NRXN3: variants seen among roughly 807,000 people sequenced by gnomAD.
NRXN3 encodes neurexin 3, also known as neurexin III.
NRXN3 carries 32 observed loss-of-function variants against 137.6 expected under a neutral mutation model. The observed-to-expected ratio is 0.23, with a 90% CI of 0.18 to 0.31. The LOEUF is 0.31. NRXN3 is among the 10% of genes least tolerant of loss of function. The pLI is 1.00. For synonymous variants in NRXN3, 798 were observed against 784.5 expected (o/e 1.02, Z -0.29); for missense variants, 1,574 against 2,062.5 (o/e 0.76, Z 4.59).
At chr14:79,455,312 C>G (rs1019231111) in intron 15 of NRXN3, among the ~76,000 whole-genome samples, 1 of 152,094 alleles carries the variant, frequency 6.6e-6, no homozygotes, top group African/African-American at 2.4e-5. Context: ...AGACCTTACC[C>G]TATAATAGGA....
At chr14:79,381,492 C>T in intron 15 of NRXN3, among the ~76,000 whole-genome samples, 1 of 152,142 alleles carries the variant, frequency 6.6e-6, no homozygotes. Context: ...TAGCTGCCTT[C>T]CAGACATTGT....
chr14:79,568,041 T>C (rs534539497), intron 16 of NRXN3, among the ~76,000 whole-genome samples: 1 of 152,260 alleles, frequency 6.6e-6, no homozygotes, highest in Admixed American at 6.5e-5. Flanking sequence ...GAGCATGCTT[T>C]ATTTCAATCA....
intron 9 of NRXN3, among the ~76,000 whole-genome samples, chr14:78,806,155 C>T (rs1478518966): frequency 6.6e-6 from 1 of 151,296 alleles, no homozygotes; most frequent in African/African-American, 2.4e-5. Flanking sequence ...GTAGAGAGCA[C>T]TGTGCTTGTC....
chr14:78,946,885 A>G (rs1421666768), intron 10 of NRXN3, among the ~76,000 whole-genome samples: 1 of 152,022 alleles, frequency 6.6e-6, no homozygotes, highest in African/African-American at 2.4e-5. Flanking sequence ...AATACACTTG[A>G]TTTATTTTTG....
intron 2 of NRXN3, among the ~76,000 whole-genome samples, chr14:78,252,530 G>A (rs781733379): frequency 7.0e-4 from 106 of 152,240 alleles, no homozygotes; most frequent in Non-Finnish European, 1.2e-3. Context: ...TAAGTTTCTC[G>A]ATGAGATGCT....
At chr14:79,135,762 G>C (rs964021717) in intron 15 of NRXN3, among the ~76,000 whole-genome samples, 8 of 152,180 alleles carry the variant, frequency 5.3e-5, no homozygotes, top group African/African-American at 1.9e-4. Flanking sequence ...TTATTGGGCA[G>C]GCACTCTACA....
intron 4 of NRXN3, among the ~76,000 whole-genome samples, chr14:78,581,278 A>G (rs1398176459): frequency 1.3e-5 from 2 of 152,210 alleles, no homozygotes; most frequent in African/African-American, 2.4e-5. Context: ...TGAATAATTT[A>G]TAAATAATGG....
chr14:79,047,532 G>T (rs8012099), intron 15 of NRXN3, among the ~76,000 whole-genome samples: 1 of 151,802 alleles, frequency 6.6e-6, no homozygotes, highest in African/African-American at 2.4e-5. Flanking sequence ...GACATAGACT[G>T]GGAGAAAATA....
Position 79,563,993 on chromosome 14 carries a change from A to G in NRXN3, c.3444+96591A>G, listed in dbSNP as rs144671221. ...CTTATGGGGTCTCTGTCTTTGTGAA[A>G]TAAGTATTAAGAGGGTCCATCTTAA... On this transcript the variant is annotated intron_variant, in intron 16 of 20. Transcript: ENST00000335750. Among the ~76,000 whole-genome samples the G allele has an allele frequency of 1.0e-3, 159 of 152,210 alleles. 1 individual carries two copies. Among genetic ancestry groups the G allele is most frequent in the African/African-American group, 3.7e-3 (153 of 41,552 alleles).
chr14:78,473,242 A>C (rs1228381722), intron 4 of NRXN3, among the ~76,000 whole-genome samples: 1 of 151,830 alleles, frequency 6.6e-6, no homozygotes, highest in Non-Finnish European at 1.5e-5. Context: ...CTCTACTAAA[A>C]ATACAAAAAA....
intron 16 of NRXN3, among the ~76,000 whole-genome samples, chr14:79,490,339 G>C (rs2096704575): frequency 6.6e-6 from 1 of 152,138 alleles, no homozygotes; most frequent in Admixed American, 6.5e-5. Flanking sequence ...AAGAAAATCA[G>C]TATATCAAAG....
rs149149547 is a variant in NRXN3, at chr14:78,462,975, G to A, written c.757+165115G>A. On this transcript the variant is annotated intron_variant, in intron 4 of 20. Coordinates refer to ENST00000335750, the MANE Select transcript of NRXN3 (RefSeq NM_001330195.2). ...GAACAGTGTACACTGTGCCCAGTAG[G>A]TAATTTTTATCCCTCATCCCCTCCC... Among the ~76,000 whole-genome samples, 67 of 152,206 alleles carry A rather than the reference G, an allele frequency of 4.4e-4. 1 individual carries two copies. In the East Asian group the frequency reaches 0.01, roughly 23 times the overall value.
chr14:79,099,824 G>A (rs1377393873), intron 15 of NRXN3, among the ~76,000 whole-genome samples: 1 of 152,122 alleles, frequency 6.6e-6, no homozygotes, highest in Non-Finnish European at 1.5e-5. Context: ...TGATCATTTT[G>A]TTTTACACAA....
intron 16 of NRXN3, among the ~76,000 whole-genome samples, chr14:79,515,033 A>G (rs957038943): frequency 3.3e-5 from 5 of 150,490 alleles, no homozygotes; most frequent in Non-Finnish European, 2.9e-5. Context: ...CCTCATTCAA[A>G]AAAGAAAGAG....
chr14:79,493,293 A>C (rs897666204), intron 16 of NRXN3, among the ~76,000 whole-genome samples: 1 of 152,250 alleles, frequency 6.6e-6, no homozygotes, highest in Non-Finnish European at 1.5e-5. Flanking sequence ...AAAGGTAATT[A>C]ATGAGTACAA....
intron 16 of NRXN3, among the ~76,000 whole-genome samples, chr14:79,498,594 C>T (rs1080130): frequency 0.1 from 15,191 of 152,228 alleles, 1,823 homozygotes; most frequent in East Asian, 0.35. Context: ...TCCCTTTCCT[C>T]ATGCCCACAG....
intron 10 of NRXN3, among the ~76,000 whole-genome samples, chr14:78,926,680 A>T (rs1246634040): frequency 1.0e-5 from 1 of 97,418 alleles, no homozygotes; most frequent in Admixed American, 1.8e-4. Flanking sequence ...ATAATTATAT[A>T]TTATGTAATA....
intron 15 of NRXN3, among the ~76,000 whole-genome samples, chr14:79,077,582 GA>G (rs1185599689): frequency 3.9e-5 from 6 of 152,070 alleles, no homozygotes; most frequent in African/African-American, 1.4e-4. Context: ...TATGATCCCT[GA>G]ACTTTTTGGC....
At chr14:78,787,172 T>C (rs2098791583) in intron 8 of NRXN3, among the ~76,000 whole-genome samples, 1 of 152,132 alleles carries the variant, frequency 6.6e-6, no homozygotes, top group Non-Finnish European at 1.5e-5. Context: ...TCCTTGTAAG[T>C]TGTATGTATA....
Sources: gnomAD v4.1 joint callset for allele counts (sites outside exome capture counted in the v4.1 genomes callset) on GRCh38, gnomAD v4.1.1 for gene constraint, MANE v1.5 for transcripts, NCBI Gene and HGNC (gene_info 2026-07-23, HGNC 2026-07-21) for gene names.